The following CBFB variants were observed in gnomAD, a reference collection of about 807,000 sequenced individuals.
CBFB encodes CBF-beta.
A neutral mutation model predicts 30.4 loss-of-function variants in CBFB; 9 were observed. The ratio of observed to expected loss-of-function variants is 0.30; its 90% CI spans 0.18 to 0.52. CBFB has a LOEUF of 0.52. CBFB is among the 20% of genes least tolerant of loss of function. The probability of loss-of-function intolerance (pLI) is 0.97; values close to 1 mark genes in which losing one functional copy is unlikely to be tolerated. For synonymous variants in CBFB, 94 were observed against 84.0 expected (o/e 1.12, Z -0.65); for missense variants, 170 against 244.0 (o/e 0.70, Z 2.02).
chr16:67,100,331 A>G lies in CBFB; in HGVS notation c.*1553A>G. 1 of 222,702 alleles carries G rather than the reference A, an allele frequency of 4.5e-6. No individual in the cohort carries two copies. Among genetic ancestry groups the G allele is most frequent in the Non-Finnish European group, 9.0e-6 (1 of 111,238 alleles). The allele number at this position is 222,702 out of a possible 1,614,324, so 13.8% of individuals were successfully genotyped here. A position where few individuals can be genotyped will look rare whatever the true frequency, so the allele number is the denominator to read the frequency against. On this transcript the variant is annotated 3_prime_UTR_variant, in exon 6 of 6. Transcript: ENST00000412916. ...GGGAGGTGTTACTTTCATTGTATATAGGTCTTATTTCATAAACAGATATCC... is the reference window on the plus strand; with the variant it reads ...GGGAGGTGTTACTTTCATTGTATATGGGTCTTATTTCATAAACAGATATCC...
intron 4 of CBFB, among the ~76,000 whole-genome samples, chr16:67,081,406 G>C (rs1961549940): frequency 6.6e-6 from 1 of 151,844 alleles, no homozygotes; most frequent in Non-Finnish European, 1.5e-5. Context: ...CAAAGACTTG[G>C]AACCAACCCA....
intron 4 of CBFB, among the ~76,000 whole-genome samples, chr16:67,075,786 C>G (rs929533867): frequency 2.0e-5 from 3 of 152,188 alleles, no homozygotes; most frequent in South Asian, 2.1e-4. Context: ...ACAACTAACA[C>G]CAATATGTGT....
intron 4 of CBFB, among the ~76,000 whole-genome samples, chr16:67,077,024 A>G (rs1961420075): frequency 6.6e-6 from 1 of 152,000 alleles, no homozygotes; most frequent in African/African-American, 2.4e-5. Context: ...AGAATGTTTC[A>G]TTTCTTTGGA....
intron 3 of CBFB, among the ~76,000 whole-genome samples, chr16:67,062,813 T>A (rs1018994298): frequency 2.0e-5 from 3 of 151,916 alleles, no homozygotes; most frequent in African/African-American, 4.8e-5. Context: ...ATAATTTTTT[T>A]AAAAAGAATA....
chr16:67,068,734 G>C (rs1437277105), intron 4 of CBFB, among the ~76,000 whole-genome samples: 1 of 152,130 alleles, frequency 6.6e-6, no homozygotes, highest in Non-Finnish European at 1.5e-5. Context: ...AATATAAACT[G>C]TCTTTGAGGG....
At position 67,100,909 on chromosome 16, in the gene CBFB, T is replaced by G. The variant is rs1962202282; in HGVS notation, c.*2131T>G. The G allele has an allele frequency of 5.1e-6, 1 of 195,032 alleles. No individual in the cohort carries two copies. Among genetic ancestry groups the G allele is most frequent in the African/African-American group, 2.3e-5 (1 of 43,174 alleles). The allele number at this position is 195,032 out of a possible 1,614,324, so 12.1% of individuals were successfully genotyped here. ...TTTGATATTTTTTCATAATCTATAT[T>G]TAAACAAAATTACATCATTGCATCA... On this transcript the variant is annotated 3_prime_UTR_variant, in exon 6 of 6. Coordinates refer to ENST00000412916, the MANE Select transcript of CBFB (RefSeq NM_022845.3).
chr16:67,031,478 A>G (rs546176588), intron 2 of CBFB, among the ~76,000 whole-genome samples: 54 of 152,314 alleles, frequency 3.5e-4, no homozygotes, highest in African/African-American at 1.2e-3. Flanking sequence ...TGCAAGTATA[A>G]AAGATAAGTT....
chr16:67,047,716 C>A (rs557584345), intron 3 of CBFB, among the ~76,000 whole-genome samples: 4 of 152,102 alleles, frequency 2.6e-5, no homozygotes, highest in African/African-American at 9.7e-5. Context: ...TTTATTCACA[C>A]CAGCTTTTTA....
rs57425666 is a variant in CBFB at position 67,075,197 on chromosome 16, ATGTGTGTGTGTGTG to A, written c.400-6992_400-6979del. 6.3e-5 allele frequency among the ~76,000 whole-genome samples: 9 copies of A among 142,766 alleles called. No homozygotes were observed. In the South Asian group the frequency reaches 9.0e-4, roughly 14 times the overall value. 93.7% of individuals were successfully genotyped at this position (142,766 alleles called of 152,430 possible). ...AGAGCGAGATTCTATCTCAAAAAAA[ATGTGTGTGTGTGTG>A]TGTGTGTGTGTGTGTGTGTGTGTAA... is the stretch of plus-strand genomic sequence containing the variant. On this transcript the variant is annotated intron_variant, in intron 4 of 5. Transcript: ENST00000412916.
intron 5 of CBFB, among the ~76,000 whole-genome samples, chr16:67,090,184 G>A (rs1961843232): frequency 6.6e-6 from 1 of 152,138 alleles, no homozygotes; most frequent in Non-Finnish European, 1.5e-5. Flanking sequence ...CCATGTTCTG[G>A]TAATGTTAGT....
At chr16:67,072,105 T>C (rs1022914861) in intron 4 of CBFB, among the ~76,000 whole-genome samples, 3 of 152,186 alleles carry the variant, frequency 2.0e-5, no homozygotes, top group Non-Finnish European at 2.9e-5. Flanking sequence ...TAATTTGATA[T>C]AGGATGAGAG....
chr16:67,079,954 C>T (rs1019705076), intron 4 of CBFB, among the ~76,000 whole-genome samples: 3 of 152,122 alleles, frequency 2.0e-5, no homozygotes, highest in African/African-American at 7.2e-5. Context: ...CGAGACCAGC[C>T]GGGCATGATG....
At chr16:67,064,469 T>C (rs1279568056) in intron 3 of CBFB, among the ~76,000 whole-genome samples, 1 of 152,148 alleles carries the variant, frequency 6.6e-6, no homozygotes, top group East Asian at 1.9e-4. Flanking sequence ...CCTCCCAAAG[T>C]GCTGGGATTA....
chr16:67,055,466 C>T (rs1230970485), intron 3 of CBFB, among the ~76,000 whole-genome samples: 4 of 148,250 alleles, frequency 2.7e-5, no homozygotes, highest in Non-Finnish European at 4.4e-5. Context: ...CCCGGGTTCA[C>T]GCCATTCTCC....
chr16:67,038,152 T>TG (rs1290098835), intron 3 of CBFB, among the ~76,000 whole-genome samples: 3 of 152,076 alleles, frequency 2.0e-5, no homozygotes, highest in Non-Finnish European at 4.4e-5. Flanking sequence ...AGTGTGTTTT[T>TG]GTACCCGTTT....
chr16:67,096,604 G>A (rs1962052277), intron 5 of CBFB, among the ~76,000 whole-genome samples: 1 of 151,770 alleles, frequency 6.6e-6, no homozygotes, highest in Non-Finnish European at 1.5e-5. Flanking sequence ...AAATAGATTT[G>A]GTCAACAGGA....
chr16:67,091,229 T>TG (rs1961871810), intron 5 of CBFB, among the ~76,000 whole-genome samples: 1 of 152,236 alleles, frequency 6.6e-6, no homozygotes, highest in South Asian at 2.1e-4. Context: ...CAATAGACTT[T>TG]ATTAAGATTT....
chr16:67,065,671 G>A (rs1456289914), intron 3 of CBFB, among the ~76,000 whole-genome samples: 2 of 152,094 alleles, frequency 1.3e-5, no homozygotes, highest in Admixed American at 6.5e-5. Flanking sequence ...AGCCACTGGT[G>A]CCTAGCCTTT....
intron 3 of CBFB, among the ~76,000 whole-genome samples, chr16:67,066,270 G>A (rs891202221): frequency 2.6e-5 from 4 of 151,674 alleles, no homozygotes; most frequent in African/African-American, 7.3e-5. Flanking sequence ...GTGTCTGGCC[G>A]GGCATGGTAG....
Sources: allele counts gnomAD v4.1 joint callset (sites outside exome capture counted in the v4.1 genomes callset), GRCh38; gene constraint gnomAD v4.1.1; transcripts MANE v1.5; gene names NCBI Gene and HGNC (gene_info 2026-07-23, HGNC 2026-07-21).